Variants in COL6A6 observed in about 807,000 individuals in gnomAD.
COL6A6 encodes collagen type VI alpha 6 chain, also known as collagen alpha-6(VI) chain.
Under a neutral mutation model 208.6 loss-of-function variants are expected in COL6A6, and 183 were observed. The observed-to-expected ratio is 0.88, with a 90% CI of 0.78 to 0.99. The LOEUF (loss-of-function observed/expected upper bound fraction) is 0.99, where lower values mean the gene tolerates loss of function less well. COL6A6 is among the 50% of genes least tolerant of loss of function. COL6A6 has a pLI of 0.00. For synonymous variants in COL6A6, 973 were observed against 1,011.8 expected (o/e 0.96, Z 0.73); for missense variants, 2,816 against 2,815.2 (o/e 1.00, Z -0.01).
intron 23 of COL6A6, among the ~76,000 whole-genome samples, chr3:130,614,658 A>G (rs1005899120): frequency 6.6e-6 from 1 of 152,030 alleles, no homozygotes; most frequent in African/African-American, 2.4e-5. Context: ...TTTGGTTGGT[A>G]GGCTTTTTAT....
At chr3:130,604,446 A>G (rs1473224186) in intron 20 of COL6A6, among the ~76,000 whole-genome samples, 1 of 151,876 alleles carries the variant, frequency 6.6e-6, no homozygotes, top group Non-Finnish European at 1.5e-5. Flanking sequence ...AGTGAGCCGA[A>G]ATCGCGCCAC....
intron 3 of COL6A6, among the ~76,000 whole-genome samples, chr3:130,564,152 G>C (rs184994176): frequency 1.3e-5 from 2 of 152,266 alleles, no homozygotes; most frequent in East Asian, 3.9e-4. Flanking sequence ...ATGTGCCTTG[G>C]CCCAGGGGCC....
At chr3:130,596,451 G>A (rs1266260133) in intron 18 of COL6A6, among the ~76,000 whole-genome samples, 4 of 152,150 alleles carry the variant, frequency 2.6e-5, no homozygotes, top group African/African-American at 4.8e-5. Flanking sequence ...TATTTTAAAA[G>A]AAATGCTCTA....
chr3:130,574,101 G>A lies in COL6A6; in HGVS notation c.3123G>A (p.Ala1041=), dbSNP rs765035822. Residue 1041 remains alanine (A), a synonymous_variant, in exon 8 of 37, where the codon GCG becomes GCA. Transcript: ENST00000358511. ...GCCTCAACAGAGTGCGAATAGGAGC[G>A]GCCCAGTTTAGCGATACCTATCACC... ...DVSLNRVRIG[A]AQFSDTYHPE... 1.4e-5 allele frequency: 22 copies of A among 1,613,778 alleles called. No homozygotes were observed. The highest frequency in any genetic ancestry group is 8.3e-5 in the Admixed American group (5 of 59,980).
chr3:130,565,642 G>T, intron 4 of COL6A6, 28 bp downstream of exon 4: 2 of 1,570,994 alleles, frequency 1.3e-6, no homozygotes, highest in Non-Finnish European at 1.7e-6. Context: ...AAGAAGGGTT[G>T]TTTGGATTCT....
chr3:130,606,210 A>G (rs1315186004), intron 20 of COL6A6, among the ~76,000 whole-genome samples: 1 of 152,202 alleles, frequency 6.6e-6, no homozygotes, highest in Non-Finnish European at 1.5e-5. Flanking sequence ...GAATGATCCT[A>G]GGTTAGACAA....
rs182994973 is a variant in COL6A6, at chr3:130,581,870, A to T, written c.3857A>T (p.Asp1286Val). 1 of 1,611,032 alleles carries T rather than the reference A, an allele frequency of 6.2e-7. No individual in the cohort carries two copies. Among genetic ancestry groups the T allele is most frequent in the East Asian group, 2.2e-5 (1 of 44,868 alleles). ...GCAAACCTCTTGGATTCTCTATGGG[A>T]TACATTTCAGAATAAATCAGCTGCT... ...LNANLLDSLW[D>V]TFQNKSAARG... Residue 1286 changes from aspartate (D) to valine (V), a missense_variant, in exon 9 of 37, where the codon GAT (aspartate) becomes GTT (valine). Transcript: ENST00000358511.
intron 6 of COL6A6, 31 bp from the exon 7 acceptor site, chr3:130,570,787 C>T: frequency 6.4e-7 from 1 of 1,552,720 alleles, no homozygotes; most frequent in Non-Finnish European, 8.8e-7. Context: ...AAGCTAATCT[C>T]ATATGGTTTA....
intron 23 of COL6A6, among the ~76,000 whole-genome samples, chr3:130,620,643 C>G (rs2064687374): frequency 6.6e-6 from 1 of 152,138 alleles, no homozygotes; most frequent in Non-Finnish European, 1.5e-5. Flanking sequence ...TGGAAAGATT[C>G]TTATCTTTGT....
rs751888547 is a variant in COL6A6 at position 130,563,357 on chromosome 3, T to C, written c.354T>C (p.Tyr118=). The change falls in exon 3 of 37, where the codon TAT becomes TAC. Residue 118 remains tyrosine, a synonymous_variant. Coordinates refer to ENST00000358511, the MANE Select transcript of COL6A6 (RefSeq NM_001102608.3). ...CTCTTCAGGAGGCTCACAGGACTTATTTCTCTGCACCCGCAAATGGGAGAG... is the reference window on the plus strand; with the variant it reads ...CTCTTCAGGAGGCTCACAGGACTTACTTCTCTGCACCCGCAAATGGGAGAG... ...GKALQEAHRT[Y]FSAPANGRDK... The C allele has an allele frequency of 4.3e-6, 7 of 1,614,018 alleles. No homozygotes were observed. The highest frequency in any genetic ancestry group is 1.3e-5 in the African/African-American group (1 of 75,068).
intron 1 of COL6A6, among the ~76,000 whole-genome samples, chr3:130,519,002 AT>A (rs966133795): frequency 6.6e-6 from 1 of 152,146 alleles, no homozygotes; most frequent in African/African-American, 2.4e-5. Context: ...ATTTTGCTAA[AT>A]TTTTTGTGAA....
chr3:130,530,698 C>G (rs1220079038), intron 1 of COL6A6, among the ~76,000 whole-genome samples: 2 of 152,138 alleles, frequency 1.3e-5, no homozygotes, highest in Non-Finnish European at 2.9e-5. Flanking sequence ...GTTATTTAGT[C>G]AAACACCAGT....
intron 2 of COL6A6, 129 bp downstream of exon 2, chr3:130,560,557 C>A: frequency 7.1e-6 from 5 of 706,790 alleles, no homozygotes; most frequent in African/African-American, 1.8e-5. Flanking sequence ...AGATTAAGGG[C>A]GGTAAGTCAA....
chr3:130,560,929 AACCACCTC>A (rs11278576), intron 2 of COL6A6, among the ~76,000 whole-genome samples: 88,372 of 151,444 alleles, frequency 0.58, 29,947 homozygotes, highest in Non-Finnish European at 0.75. Context: ...GCACACCCTT[AACCACCTC>A]ACCATCTCCT....
intron 28 of COL6A6, among the ~76,000 whole-genome samples, chr3:130,640,156 C>A (rs576847335): frequency 8.4e-4 from 128 of 152,136 alleles, no homozygotes; most frequent in Non-Finnish European, 1.6e-3. Flanking sequence ...TTTCCCTCAC[C>A]TCCACTTCTG....
rs578232590 is a variant in COL6A6 at position 130,589,755 on chromosome 3, A to C, written c.4218+573A>C. ...CATATATTTCCTAACCAGAAAAAGT[A>C]TATGTACCCTTATGTGAAAATATTA... is the stretch of plus-strand genomic sequence containing the variant. On this transcript the variant is annotated intron_variant, in intron 12 of 36. Transcript: ENST00000358511. Among the ~76,000 whole-genome samples the C allele has an allele frequency of 2.6e-5, 4 of 152,376 alleles. 1 individual carries two copies. In the South Asian group the frequency reaches 8.3e-4, roughly 32 times the overall value.
chr3:130,568,152 G>A lies in COL6A6; in HGVS notation c.1949G>A (p.Ser650Asn). 1 of 1,614,030 alleles carries A rather than the reference G, an allele frequency of 6.2e-7. No homozygotes were observed. The highest frequency in any genetic ancestry group is 1.3e-5 in the African/African-American group (1 of 75,054). Residue 650 changes from serine (S) to asparagine (N), a missense_variant, in exon 6 of 37, where the codon AGC becomes AAC. Coordinates refer to ENST00000358511, the MANE Select transcript of COL6A6 (RefSeq NM_001102608.3). ...AAAACATTTATGAAAAACCTGGTGA[G>A]CAAGTCTCAGATTGGACCAGATCGG... ...KMKTFMKNLV[S>N]KSQIGPDRVQ...
chr3:130,571,415 T>G (rs1216550588), intron 7 of COL6A6, 22 bp downstream of exon 7: 2 of 1,510,174 alleles, frequency 1.3e-6, no homozygotes, highest in African/African-American at 1.4e-5. Context: ...CAACTAAGTT[T>G]TTCCTAATTA....
chr3:130,571,043 T>C lies in COL6A6; in HGVS notation c.2627T>C (p.Leu876Pro), dbSNP rs1292999888. 15 of 1,613,724 alleles carry C rather than the reference T, an allele frequency of 9.3e-6. 1 individual carries two copies. The African/African-American group carries it at 1.7e-4, about 19-fold the overall frequency. Residue 876 changes from leucine to proline, a missense_variant, in exon 7 of 37, where the codon CTC (leucine) becomes CCC (proline). Leu to Pro is a moderately conservative substitution (Grantham distance 98, BLOSUM62 -3). Transcript: ENST00000358511. ...FGTKLEVISV[L>P]QNDQAMGGST... ...ACAAAACTGGAGGTAATTTCAGTGC[T>C]CCAGAATGACCAAGCCATGGGTGGC... is the stretch of plus-strand genomic sequence containing the variant.
Sources: gnomAD v4.1 joint callset for allele counts (sites outside exome capture counted in the v4.1 genomes callset) on GRCh38, gnomAD v4.1.1 for gene constraint, MANE v1.5 for transcripts, NCBI Gene and HGNC (gene_info 2026-07-23, HGNC 2026-07-21) for gene names.